ANKS1B: variants seen among roughly 807,000 people sequenced by gnomAD.
ANKS1B encodes the protein ankyrin repeat and sterile alpha motif domain-containing protein 1B.
In ANKS1B, 36 loss-of-function variants were observed where a neutral mutation model predicts 148.3. The observed-to-expected ratio is 0.24, with a 90% CI of 0.19 to 0.32. ANKS1B has a LOEUF of 0.32. ANKS1B is among the 10% of genes least tolerant of loss of function. The probability of loss-of-function intolerance (pLI) is 1.00; values close to 1 mark genes in which losing one functional copy is unlikely to be tolerated. For missense variants in ANKS1B, 1,157 were observed against 1,542.6 expected, an observed-to-expected ratio of 0.75 and a Z score of 4.19; for synonymous variants, 542 against 560.8, an observed-to-expected ratio of 0.97 and a Z score of 0.47.
intron 12 of ANKS1B, among the ~76,000 whole-genome samples, chr12:99,379,233 A>G (rs1203026292): frequency 6.6e-6 from 1 of 152,254 alleles, no homozygotes; most frequent in Non-Finnish European, 1.5e-5. Context: ...TGTACTTTCT[A>G]AAGTATATCA....
chr12:99,044,125 AT>A (rs1777033267), intron 17 of ANKS1B, among the ~76,000 whole-genome samples: 1 of 152,236 alleles, frequency 6.6e-6, no homozygotes. Context: ...ATACTATATA[AT>A]AATCTACTAG....
intron 12 of ANKS1B, among the ~76,000 whole-genome samples, chr12:99,354,376 T>A (rs1487566861): frequency 6.6e-6 from 1 of 152,026 alleles, no homozygotes; most frequent in African/African-American, 2.4e-5. Flanking sequence ...ATAAATATAG[T>A]GGTCAAACTA....
intron 14 of ANKS1B, among the ~76,000 whole-genome samples, chr12:99,219,540 G>A (rs911113908): frequency 1.3e-5 from 2 of 152,090 alleles, no homozygotes; most frequent in African/African-American, 4.8e-5. Flanking sequence ...TTATAGAGAA[G>A]TTAAATATTC....
rs914236056 is a variant in ANKS1B, at chr12:99,886,583, A to G, written c.135-61194T>C. Among the ~76,000 whole-genome samples, 3 of 152,158 alleles carry G rather than the reference A, an allele frequency of 2.0e-5. No homozygotes were observed. The East Asian group carries it at 5.8e-4, about 29-fold the overall frequency. ...TGTATATACTATGCATACCATCAAC[A>G]AAGTTTCTTAGCAAATGTCCATCAA... On this transcript the variant is annotated intron_variant, in intron 1 of 26. Transcript: ENST00000683438.
intron 17 of ANKS1B, among the ~76,000 whole-genome samples, chr12:98,922,263 A>G (rs1008542364): frequency 5.9e-5 from 9 of 152,234 alleles, no homozygotes; most frequent in African/African-American, 2.2e-4. Context: ...TATGACTCTA[A>G]CCTTTTATTC....
At chr12:99,107,468 C>G (rs1445163704) in intron 15 of ANKS1B, among the ~76,000 whole-genome samples, 1 of 152,196 alleles carries the variant, frequency 6.6e-6, no homozygotes, top group African/African-American at 2.4e-5. Flanking sequence ...TGTAACATCA[C>G]AAGGACTGTC....
intron 5 of ANKS1B, among the ~76,000 whole-genome samples, 154 bp from the exon 6 acceptor site, chr12:99,780,126 C>T (rs1369275383): frequency 6.6e-6 from 1 of 152,060 alleles, no homozygotes; most frequent in African/African-American, 2.4e-5. Context: ...CATACACACA[C>T]ACATGCGCAC....
chr12:99,601,747 T>C (rs562067750), intron 9 of ANKS1B, among the ~76,000 whole-genome samples: 141 of 152,190 alleles, frequency 9.3e-4, no homozygotes, highest in South Asian at 1.7e-3. Flanking sequence ...TTAGATTCGA[T>C]GAAGAATGGA....
chr12:99,396,765 A>T (rs929697652), intron 12 of ANKS1B, among the ~76,000 whole-genome samples: 1 of 152,174 alleles, frequency 6.6e-6, no homozygotes, highest in Non-Finnish European at 1.5e-5. Flanking sequence ...TAAAGGGGAA[A>T]AGGTAATATT....
At position 99,614,336 on chromosome 12, in the gene ANKS1B, G is replaced by A. The variant is rs116212911; in HGVS notation, c.1272+40731C>T. On this transcript the variant is annotated intron_variant, in intron 9 of 26. Transcript: ENST00000683438. ...TGTAGTCCCAGCTACTTAGGAGACT[G>A]AGACATGAGAATCACTTGAATGCAG... Among the ~76,000 whole-genome samples the A allele has an allele frequency of 5.0e-3, 759 of 152,038 alleles. 6 individuals are homozygous for A. The highest frequency in any genetic ancestry group is 0.017 in the African/African-American group (717 of 41,468).
chr12:99,893,656 G>A (rs1280286897), intron 1 of ANKS1B, among the ~76,000 whole-genome samples: 1 of 152,116 alleles, frequency 6.6e-6, no homozygotes, highest in Non-Finnish European at 1.5e-5. Context: ...CAAACTGTCT[G>A]TAAAAATGGT....
At chr12:99,097,656 T>C (rs1046208193) in intron 15 of ANKS1B, among the ~76,000 whole-genome samples, 2 of 152,196 alleles carry the variant, frequency 1.3e-5, no homozygotes, top group Non-Finnish European at 2.9e-5. Context: ...TCAATGATAG[T>C]AATAGAGTTG....
At chr12:98,910,126 GA>G (rs1478544477) in intron 17 of ANKS1B, among the ~76,000 whole-genome samples, 2 of 152,258 alleles carry the variant, frequency 1.3e-5, no homozygotes, top group East Asian at 3.9e-4. Context: ...AAACCACAAA[GA>G]AAAGTATTAG....
chr12:99,215,176 T>C (rs1313686718), intron 14 of ANKS1B, among the ~76,000 whole-genome samples: 2 of 152,194 alleles, frequency 1.3e-5, no homozygotes, highest in African/African-American at 4.8e-5. Flanking sequence ...GTGGCTTACA[T>C]GTGGTGTTGG....
At chr12:99,976,580 A>C (rs2095632435) in intron 1 of ANKS1B, among the ~76,000 whole-genome samples, 1 of 152,206 alleles carries the variant, frequency 6.6e-6, no homozygotes, top group South Asian at 2.1e-4. Flanking sequence ...GAATGGTAAC[A>C]AGTCTAAGCA....
At chr12:99,755,077 A>G (rs540922037) in intron 8 of ANKS1B, among the ~76,000 whole-genome samples, 1 of 152,074 alleles carries the variant, frequency 6.6e-6, no homozygotes, top group Admixed American at 6.6e-5. Flanking sequence ...TTTTTAAAAA[A>G]AAAAATTAAT....
chr12:99,259,111 A>ATCACGACGCT (rs2075639652), intron 12 of ANKS1B, among the ~76,000 whole-genome samples: 4 of 152,276 alleles, frequency 2.6e-5, no homozygotes, highest in Admixed American at 1.3e-4. Context: ...TTTCCGATAC[A>ATCACGACGCT]TCACGACGCT....
chr12:99,161,793 A>G (rs2076685011), intron 14 of ANKS1B, among the ~76,000 whole-genome samples: 1 of 152,206 alleles, frequency 6.6e-6, no homozygotes. Context: ...ACAATAGAGC[A>G]ATCAGCAGGC....
At chr12:99,435,032 T>C (rs1469248738) in intron 11 of ANKS1B, among the ~76,000 whole-genome samples, 1 of 152,096 alleles carries the variant, frequency 6.6e-6, no homozygotes, top group African/African-American at 2.4e-5. Context: ...TTCTCCATAT[T>C]CCTGTAGGAT....
Sources: gnomAD v4.1 joint callset for allele counts (sites outside exome capture counted in the v4.1 genomes callset) on GRCh38, gnomAD v4.1.1 for gene constraint, MANE v1.5 for transcripts, NCBI Gene and HGNC (gene_info 2026-07-23, HGNC 2026-07-21) for gene names.